The following CPT1A variants were observed in gnomAD, a reference collection of about 807,000 sequenced individuals.
The protein encoded by CPT1A is carnitine O-palmitoyltransferase 1, liver isoform.
CPT1A carries 64 observed loss-of-function variants against 100.8 expected under a neutral mutation model. That is an observed-to-expected ratio of 0.63 (90% CI 0.52 to 0.78). The LOEUF is 0.78. CPT1A is among the 30% of genes least tolerant of loss of function. The pLI is 0.00. For missense variants in CPT1A, 802 were observed against 1,034.1 expected, an observed-to-expected ratio of 0.78 and a Z score of 3.08; for synonymous variants, 363 against 396.0, an observed-to-expected ratio of 0.92 and a Z score of 0.99.
In CPT1A at chr11:68,773,304, G is replaced by A. The variant is rs1383994517; in HGVS notation, c.1701C>T (p.Asp567=). 1.9e-6 allele frequency: 3 copies of A among 1,614,154 alleles called. No individual in the cohort carries two copies. The highest frequency in any genetic ancestry group is 1.7e-5 in the Admixed American group (1 of 60,020). Residue 567 remains aspartate (D), a synonymous_variant, in exon 14 of 19, where the codon GAC becomes GAT. Coordinates refer to ENST00000265641, the MANE Select transcript of CPT1A (RefSeq NM_001876.4). Reference sequence around the variant, plus strand: ...GCTGGAGGGCCAGCTGCACAAAGGCGTCTGGGCTCGTGCGACATTTCTTGA... The same window carrying A: ...GCTGGAGGGCCAGCTGCACAAAGGCATCTGGGCTCGTGCGACATTTCTTGA... ...GIIKKCRTSP[D]AFVQLALQLA... is the part of the protein sequence containing the mutation.
At chr11:68,826,256 G>GC (rs1296691301) in intron 1 of CPT1A, among the ~76,000 whole-genome samples, 3 of 151,376 alleles carry the variant, frequency 2.0e-5, no homozygotes, top group African/African-American at 4.9e-5. Flanking sequence ...GACCAGCCTG[G>GC]CCAACATGGT....
rs1191737202 is a variant in CPT1A, at chr11:68,807,775, A to T, written c.282-137T>A. The T allele has an allele frequency of 8.7e-6, 7 of 803,296 alleles. No individual in the cohort carries two copies. In the Admixed American group the frequency reaches 1.0e-4, roughly 12 times the overall value. The allele number at this position is 803,296 out of a possible 1,614,324, so 49.8% of individuals were successfully genotyped here. A position where few individuals can be genotyped will look rare whatever the true frequency, so the allele number is the denominator to read the frequency against. On this transcript the variant is annotated intron_variant, in intron 3 of 18. Transcript: ENST00000265641. ...AGGTACAGCCGGGAAAGTCAGAGGGAGAGCACTTGCAGGAACTGAGCTCTT... is the reference window on the plus strand; with the variant it reads ...AGGTACAGCCGGGAAAGTCAGAGGGTGAGCACTTGCAGGAACTGAGCTCTT...
chr11:68,836,832 A>C (rs1289056179), intron 1 of CPT1A, among the ~76,000 whole-genome samples: 7 of 151,768 alleles, frequency 4.6e-5, no homozygotes, highest in Admixed American at 4.6e-4. Context: ...AATGAAACAA[A>C]ATCTCCAAGA....
intron 9 of CPT1A, among the ~76,000 whole-genome samples, chr11:68,791,743 A>G: frequency 6.6e-6 from 1 of 151,980 alleles, no homozygotes; most frequent in East Asian, 1.9e-4. Flanking sequence ...GTAGACCAGT[A>G]GTAGGCTGGT....
chr11:68,772,222 G>T (rs561194198), intron 14 of CPT1A, among the ~76,000 whole-genome samples: 1 of 152,112 alleles, frequency 6.6e-6, no homozygotes, highest in Non-Finnish European at 1.5e-5. Flanking sequence ...GCATGGGGGC[G>T]CACACCTGTA....
chr11:68,840,647 T>C (rs1391278091), intron 1 of CPT1A, among the ~76,000 whole-genome samples: 1 of 152,248 alleles, frequency 6.6e-6, no homozygotes, highest in East Asian at 1.9e-4. Flanking sequence ...TGAGTTGTTT[T>C]CTTTTTTTAA....
At chr11:68,802,032 C>T (rs537046343) in intron 5 of CPT1A, among the ~76,000 whole-genome samples, 8 of 152,218 alleles carry the variant, frequency 5.3e-5, no homozygotes, top group Admixed American at 3.3e-4. Context: ...CAAAAGGCCA[C>T]GTGATTCCAT....
At position 68,762,611 on chromosome 11, in the gene CPT1A, C is replaced by T. The variant is rs1285159102; in HGVS notation, c.1875+16G>A. 1.3e-5 allele frequency: 21 copies of T among 1,613,104 alleles called. No individual in the cohort carries two copies. Among genetic ancestry groups the T allele is most frequent in the Non-Finnish European group, 1.8e-5 (21 of 1,179,994 alleles). ...TGTGACAAGCACGTTGTGTCCTCAG[C>T]CTGATGGCACATTACCGTCTGGGCC... On this transcript the variant is annotated intron_variant, in intron 15 of 18. Transcript: ENST00000265641.
rs1158330376 is a variant in CPT1A at position 68,811,620 on chromosome 11, T to A, written c.281+817A>T. Among the ~76,000 whole-genome samples the A allele has an allele frequency of 2.6e-5, 4 of 152,162 alleles. No homozygotes were observed. The South Asian group carries it at 8.3e-4, about 31-fold the overall frequency. ...GCTGCGCAGAGCTGGGTTTGAACTC[T>A]AGCTTCCCCGCTCCCTCTTCCTGTG... On this transcript the variant is annotated intron_variant, in intron 3 of 18. Transcript: ENST00000265641.
At chr11:68,829,311 G>T (rs935282351) in intron 1 of CPT1A, among the ~76,000 whole-genome samples, 1 of 152,094 alleles carries the variant, frequency 6.6e-6, no homozygotes, top group Admixed American at 6.5e-5. Flanking sequence ...TTTAATCCAC[G>T]TCACCCCAGG....
intron 16 of CPT1A, among the ~76,000 whole-genome samples, chr11:68,760,746 T>G (rs1317544992): frequency 6.6e-6 from 1 of 152,152 alleles, no homozygotes; most frequent in Non-Finnish European, 1.5e-5. Context: ...GGCGCAATGG[T>G]TCATGTCTGT....
intron 14 of CPT1A, among the ~76,000 whole-genome samples, chr11:68,765,393 G>A (rs1003896104): frequency 1.3e-5 from 2 of 152,084 alleles, no homozygotes; most frequent in African/African-American, 2.4e-5. Flanking sequence ...GAGCTCAGAC[G>A]CCATCAAAGA....
intron 1 of CPT1A, among the ~76,000 whole-genome samples, chr11:68,837,573 G>A (rs754246241): frequency 6.6e-5 from 10 of 152,274 alleles, no homozygotes; most frequent in Non-Finnish European, 1.3e-4. Flanking sequence ...ATTGAGGGGG[G>A]ACCCAAATGC....
At chr11:68,827,875 C>A (rs897046) in intron 1 of CPT1A, among the ~76,000 whole-genome samples, 38 of 152,286 alleles carry the variant, frequency 2.5e-4, no homozygotes, top group African/African-American at 9.1e-4. Context: ...GCCCCATGCC[C>A]ACCTACACAG....
chr11:68,776,124 C>T (rs1006643499), intron 12 of CPT1A, among the ~76,000 whole-genome samples: 2 of 152,224 alleles, frequency 1.3e-5, no homozygotes, highest in Non-Finnish European at 2.9e-5. Context: ...AGCAGGCAGG[C>T]GCGGTGCCTC....
intron 14 of CPT1A, among the ~76,000 whole-genome samples, chr11:68,764,542 G>C (rs1854729323): frequency 6.6e-6 from 1 of 151,920 alleles, no homozygotes; most frequent in Non-Finnish European, 1.5e-5. Context: ...GAGCCGGACA[G>C]AGCACAGGAC....
intron 1 of CPT1A, among the ~76,000 whole-genome samples, chr11:68,817,672 G>T (rs1269659760): frequency 8.2e-6 from 1 of 121,386 alleles, no homozygotes; most frequent in African/African-American, 3.0e-5. Context: ...GAGGCTGGGG[G>T]TCAAGGGCAG....
chr11:68,775,269 G>A, intron 13 of CPT1A, 47 bp downstream of exon 13: 2 of 1,453,948 alleles, frequency 1.4e-6, no homozygotes, highest in Non-Finnish European at 1.9e-6. Context: ...CTTCAAATGT[G>A]TTTCCCATCC....
rs1342388028 is a variant in CPT1A at position 68,796,918 on chromosome 11, C to T, written c.709G>A (p.Glu237Lys). 6.2e-7 allele frequency: 1 copy of T among 1,614,008 alleles called. No homozygotes were observed. Residue 237 changes from glutamate (E) to lysine (K), a missense_variant, in exon 7 of 19, where the codon GAG (glutamate) becomes AAG (lysine). Physicochemically the swap from Glu to Lys is moderately conservative, Grantham distance 56. Around this residue, in one of 4 missense-constraint regions of CPT1A, gnomAD observed 627 missense variants for 799.3 expected, o/e 0.78. Transcript: ENST00000265641. The stretch of plus-strand genomic sequence containing the variant: ...CGTCCTCGGAGGTAGATGTACTCCT[C>T]CCACCAGTCGCTCACCTAGTGGGCG... ...WATNYVSDWW[E>K]EYIYLRGRGP...
Sources: gnomAD v4.1 joint callset for allele counts (sites outside exome capture counted in the v4.1 genomes callset) on GRCh38, gnomAD v4.1.1 for gene constraint, gnomAD v4.1.1 regional missense constraint, MANE v1.5 for transcripts, NCBI Gene and HGNC (gene_info 2026-07-23, HGNC 2026-07-21) for gene names.